Variants in HMGB1 observed in about 807,000 individuals in gnomAD.
HMGB1 encodes the protein high mobility group protein B1.
For missense variants in HMGB1, 79 were observed against 253.5 expected, an observed-to-expected ratio of 0.31 and a Z score of 4.67; for synonymous variants, 81 against 84.0, an observed-to-expected ratio of 0.96 and a Z score of 0.19.
intron 1 of HMGB1, among the ~76,000 whole-genome samples, chr13:30,503,251 G>C (rs1207751958): frequency 1.3e-5 from 2 of 152,090 alleles, no homozygotes; most frequent in African/African-American, 4.8e-5. Flanking sequence ...GGCTGAGGCA[G>C]GAGAATGGCG....
chr13:30,567,376 ACT>A (rs1870230490), intron 1 of HMGB1, among the ~76,000 whole-genome samples: 1 of 139,058 alleles, frequency 7.2e-6, no homozygotes, highest in Non-Finnish European at 1.5e-5. Context: ...AATGAATCTC[ACT>A]CTGTCACCAG....
intron 1 of HMGB1, among the ~76,000 whole-genome samples, chr13:30,545,024 T>A (rs998942449): frequency 1.1e-4 from 17 of 152,210 alleles, no homozygotes; most frequent in Non-Finnish European, 1.9e-4. Flanking sequence ...CAATATCTTC[T>A]CTCTTAAAAA....
chr13:30,462,574 T>C lies in HMGB1; in HGVS notation c.435A>G (p.Glu145=). ...NTAADDKQPY[E]KKAAKLKEKY... The stretch of plus-strand genomic sequence containing the variant: ...TTTCCTTCAGCTTCGCAGCCTTCTT[T>C]TCATAAGGCTGCTTGTCATCTGCAG... Residue 145 remains glutamate (E), a synonymous_variant, in exon 4 of 5, where the codon GAA becomes GAG. Coordinates refer to ENST00000341423, the MANE Select transcript of HMGB1 (RefSeq NM_002128.7). The C allele has an allele frequency of 7.4e-6, 12 of 1,612,546 alleles. No homozygotes were observed. Among genetic ancestry groups the C allele is most frequent in the Non-Finnish European group, 1.0e-5 (12 of 1,178,576 alleles).
At chr13:30,527,829 G>T (rs1275994942) in intron 1 of HMGB1, among the ~76,000 whole-genome samples, 1 of 152,112 alleles carries the variant, frequency 6.6e-6, no homozygotes, top group Non-Finnish European at 1.5e-5. Context: ...TGAAGTCAAG[G>T]TTCAAAGTCA....
chr13:30,463,434 G>A (rs1426372070), intron 2 of HMGB1, 82 bp from the exon 3 acceptor site: 2 of 1,524,168 alleles, frequency 1.3e-6, no homozygotes, highest in African/African-American at 2.8e-5. Flanking sequence ...CTATGTAATA[G>A]CGTCCCACTA....
Position 30,575,847 on chromosome 13 carries a change from T to G in HMGB1, c.-15+40824A>C, listed in dbSNP as rs139262757. On this transcript the variant is annotated intron_variant, in intron 1 of 4. Transcript: ENST00000405805. ...GGAAGATCCCTTGAGCTCACGAGTT[T>G]GAGGCTGCAGTAAGCCACTGCACTC... Among the ~76,000 whole-genome samples, 397 of 152,222 alleles carry G rather than the reference T, an allele frequency of 2.6e-3. 1 individual carries two copies. Among genetic ancestry groups the G allele is most frequent in the African/African-American group, 9.0e-3 (374 of 41,554 alleles).
intron 1 of HMGB1, chr13:30,554,414 T>G (rs544045377): frequency 2.4e-6 from 2 of 825,178 alleles, no homozygotes; most frequent in Non-Finnish European, 4.3e-6. Context: ...ACAAGTGTTA[T>G]TGAACATGAG....
chr13:30,587,933 A>G lies in HMGB1; in HGVS notation c.-15+28738T>C, dbSNP rs556923374. 3.9e-5 allele frequency among the ~76,000 whole-genome samples: 6 copies of G among 152,342 alleles called. No individual in the cohort carries two copies. The South Asian group carries it at 1.2e-3, about 32-fold the overall frequency. ...ACATAATGACTAATCTCTGGAAAAAAGCAAGTGTGAGAATGGAAGGCTCTT... is the reference window on the plus strand; with the variant it reads ...ACATAATGACTAATCTCTGGAAAAAGGCAAGTGTGAGAATGGAAGGCTCTT... On this transcript the variant is annotated intron_variant, in intron 1 of 4. Coordinates refer to the HMGB1 transcript ENST00000405805.
intron 1 of HMGB1, among the ~76,000 whole-genome samples, chr13:30,485,429 G>A (rs1887343445): frequency 6.6e-6 from 1 of 152,156 alleles, no homozygotes; most frequent in Non-Finnish European, 1.5e-5. Context: ...CCCCCAAAGG[G>A]CACCAGCTCA....
At chr13:30,602,207 A>ACAC in intron 1 of HMGB1, among the ~76,000 whole-genome samples, 1 of 150,874 alleles carries the variant, frequency 6.6e-6, no homozygotes, top group East Asian at 1.9e-4. Context: ...TCACCCAGGG[A>ACAC]CACCAGCACC....
intron 1 of HMGB1, among the ~76,000 whole-genome samples, chr13:30,546,193 G>GTAA (rs1349011418): frequency 1.3e-5 from 2 of 152,184 alleles, no homozygotes; most frequent in Non-Finnish European, 2.9e-5. Context: ...TCAGCCCACT[G>GTAA]TAATCTCTGC....
At chr13:30,593,024 T>C (rs74043507) in intron 1 of HMGB1, among the ~76,000 whole-genome samples, 8,216 of 152,288 alleles carry the variant, frequency 0.054, 577 homozygotes, top group African/African-American at 0.16. Flanking sequence ...CATATGTACC[T>C]AAGGCTTATC....
intron 1 of HMGB1, among the ~76,000 whole-genome samples, chr13:30,496,410 CCT>C (rs1887611328): frequency 6.6e-6 from 1 of 152,166 alleles, no homozygotes; most frequent in Admixed American, 6.5e-5. Context: ...CAGTTCTACC[CCT>C]GATAGCTATG....
At chr13:30,612,466 C>G (rs74043518) in intron 1 of HMGB1, among the ~76,000 whole-genome samples, 1 of 152,136 alleles carries the variant, frequency 6.6e-6, no homozygotes, top group African/African-American at 2.4e-5. Flanking sequence ...CAGCTTCAAG[C>G]GAATACAGTT....
chr13:30,474,854 GTTT>G (rs1275635810), intron 1 of HMGB1, among the ~76,000 whole-genome samples: 1 of 67,654 alleles, frequency 1.5e-5, no homozygotes, highest in African/African-American at 5.1e-5. Flanking sequence ...CTCTTTTTTT[GTTT>G]TTTTTTTTTT....
chr13:30,529,007 C>A (rs183114019), intron 1 of HMGB1, among the ~76,000 whole-genome samples: 4 of 116,236 alleles, frequency 3.4e-5, no homozygotes, highest in Non-Finnish European at 6.5e-5. Flanking sequence ...CCAGCCTGGG[C>A]GACAGGGCGA....
chr13:30,504,618 A>G (rs1887808998), intron 1 of HMGB1, among the ~76,000 whole-genome samples: 1 of 152,224 alleles, frequency 6.6e-6, no homozygotes, highest in Non-Finnish European at 1.5e-5. Flanking sequence ...CAGTGGAAAG[A>G]AAAGCTTAGA....
intron 1 of HMGB1, among the ~76,000 whole-genome samples, chr13:30,613,012 G>C (rs1396072483): frequency 2.0e-5 from 3 of 152,152 alleles, no homozygotes; most frequent in Non-Finnish European, 4.4e-5. Flanking sequence ...GAGGATGTAG[G>C]TTTTAGTACC....
chr13:30,581,979 C>T (rs1870919519), intron 1 of HMGB1, among the ~76,000 whole-genome samples: 1 of 152,062 alleles, frequency 6.6e-6, no homozygotes, highest in Non-Finnish European at 1.5e-5. Flanking sequence ...GATAGAATCA[C>T]TGTATCATGG....
Sources: allele counts gnomAD v4.1 joint callset (sites outside exome capture counted in the v4.1 genomes callset), GRCh38; gene constraint gnomAD v4.1.1; transcripts MANE v1.5; gene names NCBI Gene and HGNC (gene_info 2026-07-23, HGNC 2026-07-21).